ZNF532: variants seen among roughly 807,000 people sequenced by gnomAD.
ZNF532 encodes zinc finger protein 532.
Under a neutral mutation model 89.3 loss-of-function variants are expected in ZNF532, and 22 were observed. The observed-to-expected ratio is 0.25, with a 90% CI of 0.18 to 0.35. The LOEUF (loss-of-function observed/expected upper bound fraction) is 0.35. Ranked by LOEUF, ZNF532 falls within the 10% of genes least tolerant of loss-of-function variation. ZNF532 has a pLI of 1.00. For missense variants in ZNF532, 1,132 were observed against 1,643.4 expected (o/e 0.69, Z 5.38); for synonymous variants, 606 against 649.6 (o/e 0.93, Z 1.02).
chr18:58,916,772 GGT>G, intron 2 of ZNF532: 2 of 981,348 alleles, frequency 2.0e-6, no homozygotes, highest in Non-Finnish European at 2.4e-6. Flanking sequence ...ATAGATTTGT[GGT>G]GTATATGAGT....
intron 2 of ZNF532, among the ~76,000 whole-genome samples, chr18:58,869,023 T>C (rs908231076): frequency 1.3e-5 from 2 of 152,226 alleles, no homozygotes; most frequent in Non-Finnish European, 1.5e-5. Flanking sequence ...CAGTGGTAAC[T>C]ATTTGTGTTT....
chr18:58,892,028 G>A (rs2058936396), intron 2 of ZNF532, among the ~76,000 whole-genome samples: 1 of 152,230 alleles, frequency 6.6e-6, no homozygotes, highest in Admixed American at 6.5e-5. Flanking sequence ...ATAGTATCTT[G>A]ATGGATAGAG....
chr18:58,944,739 T>G (rs1387359047), intron 5 of ZNF532, among the ~76,000 whole-genome samples: 2 of 152,124 alleles, frequency 1.3e-5, no homozygotes, highest in Admixed American at 6.5e-5. Flanking sequence ...GTATTTGGAC[T>G]TTAAAAAAAA....
chr18:58,967,694 C>T (rs1348632871), intron 7 of ZNF532, among the ~76,000 whole-genome samples: 3 of 152,150 alleles, frequency 2.0e-5, no homozygotes, highest in African/African-American at 4.8e-5. Flanking sequence ...TTAATCGAAA[C>T]GCACGGCATT....
chr18:58,895,478 AGTTTAAACTTT>A (rs960252976), intron 2 of ZNF532, among the ~76,000 whole-genome samples: 28 of 152,346 alleles, frequency 1.8e-4, no homozygotes, highest in African/African-American at 5.5e-4. Context: ...CAAAGAAACC[AGTTTAAACTTT>A]GTTTAACCAT....
At chr18:58,933,735 G>C (rs1411129405) in intron 3 of ZNF532, among the ~76,000 whole-genome samples, 1 of 152,142 alleles carries the variant, frequency 6.6e-6, no homozygotes, top group Non-Finnish European at 1.5e-5. Context: ...GATAGTTACT[G>C]ATATAGAGCC....
At chr18:58,884,695 C>A (rs955789978) in intron 2 of ZNF532, among the ~76,000 whole-genome samples, 1 of 152,128 alleles carries the variant, frequency 6.6e-6, no homozygotes, top group African/African-American at 2.4e-5. Flanking sequence ...AACCAGGAAT[C>A]CCTTGTTACT....
chr18:58,959,026 C>G (rs1229711048), intron 7 of ZNF532, among the ~76,000 whole-genome samples: 1 of 152,008 alleles, frequency 6.6e-6, no homozygotes, highest in Non-Finnish European at 1.5e-5. Context: ...TTATGTGAGC[C>G]AGTATTAAAA....
intron 3 of ZNF532, among the ~76,000 whole-genome samples, chr18:58,930,894 T>C (rs977112254): frequency 1.3e-5 from 2 of 152,162 alleles, no homozygotes; most frequent in Admixed American, 6.5e-5. Flanking sequence ...TTCCCAAATA[T>C]TTTTGATCTG....
At chr18:58,896,593 A>G (rs1459640129) in intron 2 of ZNF532, 1 of 153,606 alleles carries the variant, frequency 6.5e-6, no homozygotes, top group African/African-American at 2.4e-5. Flanking sequence ...CCGTCTGTCC[A>G]TCCGCCCACT....
rs538447427 is a variant in ZNF532 at position 58,943,968 on chromosome 18, G to C, written c.2706-4099G>C. ...AAGTAAAACACGCAAAATTAGAATA[G>C]CAGCATGAGAGAGGAGTATGGAGTC... On this transcript the variant is annotated intron_variant, in intron 5 of 9. Transcript: ENST00000591808. Among the ~76,000 whole-genome samples, 57 of 152,332 alleles carry C rather than the reference G, an allele frequency of 3.7e-4. 1 individual carries two copies. Among genetic ancestry groups the C allele is most frequent in the Non-Finnish European group, 8.8e-5 (6 of 68,036 alleles).
At chr18:58,888,534 G>T (rs1368986529) in intron 2 of ZNF532, among the ~76,000 whole-genome samples, 1 of 148,876 alleles carries the variant, frequency 6.7e-6, no homozygotes. Context: ...AAATTAGCTG[G>T]GTGTGGTGAC....
In ZNF532 at chr18:58,984,787, GTTC is replaced by G. The variant is rs1263305430; in HGVS notation, c.*324_*326del. 1 of 187,118 alleles carries G rather than the reference GTTC, an allele frequency of 5.3e-6. No individual in the cohort carries two copies. Among genetic ancestry groups the G allele is most frequent in the Non-Finnish European group, 1.1e-5 (1 of 88,944 alleles). 11.6% of individuals were successfully genotyped at this position (187,118 alleles called of 1,614,324 possible). ...TTTTGTACTGTTTCTTTAAAACAGA[GTTC>G]TTAGTAACAGGGGCAGTTCCTGAAT... is the stretch of plus-strand genomic sequence containing the variant. On this transcript the variant is annotated 3_prime_UTR_variant, in exon 10 of 10. Transcript: ENST00000591808.
In ZNF532 at chr18:58,918,855, T is replaced by C; in HGVS notation, c.568T>C (p.Ser190Pro). Residue 190 changes from serine (S) to proline (P), a missense_variant, in exon 3 of 10, where the codon TCT (serine) becomes CCT (proline). Coordinates refer to ENST00000591808, the MANE Select transcript of ZNF532 (RefSeq NM_001375912.1). ...GGAAAACTCCAGCAAAACTGGACTCTCTACGTCAGGCAATGTGGAGAAAAA... is the reference window on the plus strand; with the variant it reads ...GGAAAACTCCAGCAAAACTGGACTCCCTACGTCAGGCAATGTGGAGAAAAA... ...GGENSSKTGL[S>P]TSGNVEKNKA... 6.2e-7 allele frequency: 1 copy of C among 1,614,180 alleles called. No individual in the cohort carries two copies. The highest frequency in any genetic ancestry group is 8.5e-7 in the Non-Finnish European group (1 of 1,180,034).
intron 2 of ZNF532, among the ~76,000 whole-genome samples, chr18:58,911,682 G>T (rs910391499): frequency 6.6e-6 from 1 of 152,216 alleles, no homozygotes; most frequent in South Asian, 2.1e-4. Context: ...GCCAGGTCCT[G>T]TGTCAAAGGA....
At chr18:58,863,162 C>T (rs1393078532), upstream of ZNF532, 1 of 152,286 alleles carries the variant, frequency 6.6e-6, no homozygotes, top group African/African-American at 2.4e-5. Flanking sequence ...CTTCCTTCCA[C>T]TCGAGTAAGT....
At chr18:58,888,684 G>A (rs1460053977) in intron 2 of ZNF532, among the ~76,000 whole-genome samples, 2 of 50,796 alleles carry the variant, frequency 3.9e-5, no homozygotes, top group East Asian at 6.2e-4. Context: ...CTCCAAGGAA[G>A]GCAAAAAAAA....
intron 7 of ZNF532, among the ~76,000 whole-genome samples, chr18:58,967,539 GC>G (rs545375973): frequency 6.6e-6 from 1 of 151,474 alleles, no homozygotes; most frequent in African/African-American, 2.4e-5. Flanking sequence ...TCCCCACCCT[GC>G]CCCCCCGTGC....
chr18:58,908,278 TA>T (rs1211032649), intron 2 of ZNF532, among the ~76,000 whole-genome samples: 15 of 152,234 alleles, frequency 9.9e-5, no homozygotes, highest in African/African-American at 3.6e-4. Flanking sequence ...CTCTCCCACT[TA>T]TTGTTTGTGT....
Sources: gnomAD v4.1 joint callset for allele counts (sites outside exome capture counted in the v4.1 genomes callset) on GRCh38, gnomAD v4.1.1 for gene constraint, MANE v1.5 for transcripts, NCBI Gene and HGNC (gene_info 2026-07-23, HGNC 2026-07-21) for gene names.